The following LRRC37A3 variants were observed in gnomAD, a reference collection of about 807,000 sequenced individuals.
LRRC37A3 encodes leucine-rich repeat-containing protein 37A3.
LRRC37A3 carries 25 observed loss-of-function variants against 106.2 expected under a neutral mutation model. The observed-to-expected ratio is 0.24, with a 90% CI of 0.17 to 0.33. LRRC37A3 has a LOEUF of 0.33. Among genes scored for constraint, LRRC37A3 ranks in the 10% least tolerant of loss-of-function variants. The probability of loss-of-function intolerance (pLI) is 1.00; values close to 1 mark genes in which losing one functional copy is unlikely to be tolerated. For synonymous variants in LRRC37A3, 305 were observed against 635.8 expected, an observed-to-expected ratio of 0.48 and a Z score of 7.83; for missense variants, 712 against 1,644.9, an observed-to-expected ratio of 0.43 and a Z score of 9.81.
chr17:64,867,791 A>G (rs9905831), intron 10 of LRRC37A3, among the ~76,000 whole-genome samples: 2,175 of 152,134 alleles, frequency 0.014, 53 homozygotes, highest in African/African-American at 0.05. Context: ...CTGCTGAGTG[A>G]GGCCAGGCAA....
intron 13 of LRRC37A3, among the ~76,000 whole-genome samples, chr17:64,858,106 C>T (rs1972741016): frequency 6.6e-6 from 1 of 152,136 alleles, no homozygotes. Flanking sequence ...GCAAGCTGAG[C>T]ATCTCTAATC....
chr17:64,877,358 C>A (rs1479336981), intron 8 of LRRC37A3, among the ~76,000 whole-genome samples: 1 of 152,108 alleles, frequency 6.6e-6, no homozygotes, highest in African/African-American at 2.4e-5. Flanking sequence ...CCTGCCACCA[C>A]GCCCTGCTAA....
In LRRC37A3 at chr17:64,859,996, C is replaced by A; in HGVS notation, c.4150G>T (p.Glu1384Ter). The A allele has an allele frequency of 6.2e-7, 1 of 1,613,624 alleles. No homozygotes were observed. The highest frequency in any genetic ancestry group is 8.5e-7 in the Non-Finnish European group (1 of 1,179,848). Reference protein sequence around the residue: ...EVSAPSEHFIENNNTKDTTAR... With the variant: ...EVSAPSEHFI ...GTTGTGTCTTTTGTATTATTGTTTT[C>A]TATAAAATGTTCTGAAGGAGCAGAT... The change falls in exon 12 of 15, where the codon GAA becomes TAA. Residue 1384 changes from glutamate to a stop codon, truncating the protein, a stop_gained. Transcript: ENST00000584306. LOFTEE classifies it high-confidence loss of function.
chr17:64,917,654 A>AAT (rs1266560020), intron 2 of LRRC37A3, among the ~76,000 whole-genome samples: 7 of 152,078 alleles, frequency 4.6e-5, no homozygotes, highest in Non-Finnish European at 1.0e-4. Context: ...TATAAACTAA[A>AAT]AAATTAAAAT....
At chr17:64,881,106 A>G in intron 8 of LRRC37A3, 1 of 700,880 alleles carries the variant, frequency 1.4e-6, no homozygotes, top group Non-Finnish European at 2.6e-6. Flanking sequence ...TCCTTTATTC[A>G]TCTACATAGG....
intron 11 of LRRC37A3, among the ~76,000 whole-genome samples, chr17:64,861,184 G>A (rs562987564): frequency 3.3e-5 from 5 of 152,242 alleles, no homozygotes; most frequent in African/African-American, 1.2e-4. Context: ...CACCTACTTG[G>A]AACATTCCAT....
chr17:64,865,097 G>A (rs1342730406), intron 10 of LRRC37A3, among the ~76,000 whole-genome samples: 4 of 152,180 alleles, frequency 2.6e-5, no homozygotes, highest in Non-Finnish European at 5.9e-5. Context: ...ACCCGGAACC[G>A]TAACCCAGCA....
chr17:64,880,225 G>A (rs1483572455), intron 8 of LRRC37A3, among the ~76,000 whole-genome samples: 3 of 152,014 alleles, frequency 2.0e-5, no homozygotes, highest in East Asian at 3.9e-4. Context: ...CTGGCTCAAC[G>A]GCTCAAGTTT....
chr17:64,905,076 A>G (rs1470743315), intron 2 of LRRC37A3, among the ~76,000 whole-genome samples: 1 of 152,194 alleles, frequency 6.6e-6, no homozygotes, highest in African/African-American at 2.4e-5. Context: ...GTATTAAATA[A>G]ATTTATTAAT....
chr17:64,897,417 C>CCCT lies in LRRC37A3; in HGVS notation c.-163_-161dup. On this transcript the variant is annotated 5_prime_UTR_variant, in exon 4 of 15. Coordinates refer to ENST00000584306, the MANE Select transcript of LRRC37A3 (RefSeq NM_199340.5). ...TTCCCATCCTGCCCTGCCGGAGCAC[C>CCCT]CCTCTCCTCCCCTTAGTGAGGAAGG... The CCCT allele has an allele frequency of 6.5e-7, 1 of 1,535,536 alleles. No homozygotes were observed. The highest frequency in any genetic ancestry group is 2.5e-5 in the East Asian group (1 of 40,762).
chr17:64,911,172 C>A (rs1472924821), intron 2 of LRRC37A3, among the ~76,000 whole-genome samples: 1 of 150,768 alleles, frequency 6.6e-6, no homozygotes, highest in Non-Finnish European at 1.5e-5. Flanking sequence ...GAGAAACAAC[C>A]GTTTGCATTT....
intron 8 of LRRC37A3, among the ~76,000 whole-genome samples, chr17:64,872,788 T>G (rs1973366706): frequency 6.6e-6 from 1 of 152,116 alleles, no homozygotes; most frequent in South Asian, 2.1e-4. Context: ...CGCGCATGCA[T>G]AGGGCAGACT....
At chr17:64,881,763 C>T (rs114516295) in intron 8 of LRRC37A3, among the ~76,000 whole-genome samples, 3,325 of 148,320 alleles carry the variant, frequency 0.022, 158 homozygotes, top group African/African-American at 0.084. Flanking sequence ...TGAAAGAGCA[C>T]GTCTAGTGCC....
chr17:64,884,238 C>T lies in LRRC37A3; in HGVS notation c.2906+1848G>A, dbSNP rs751538553. Among the ~76,000 whole-genome samples, 565 of 145,152 alleles carry T rather than the reference C, an allele frequency of 3.9e-3. 5 individuals are homozygous for T. The highest frequency in any genetic ancestry group is 0.014 in the Middle Eastern group (4 of 288). On this transcript the variant is annotated intron_variant, in intron 8 of 14. Coordinates refer to ENST00000584306, the MANE Select transcript of LRRC37A3 (RefSeq NM_199340.5). ...GTACCTGGCACAAATGGACATGACA[C>T]TCTGAATGTTTTTGAGTGAATTCAT...
intron 1 of LRRC37A3, 108 bp downstream of exon 1, chr17:64,919,323 G>A (rs190781155): frequency 6.3e-6 from 3 of 473,342 alleles, no homozygotes; most frequent in Non-Finnish European, 9.8e-6. Flanking sequence ...TGGGCGCAGT[G>A]GGGGCGGCCG....
At chr17:64,857,468 C>T (rs1395299028) in intron 13 of LRRC37A3, among the ~76,000 whole-genome samples, 1 of 152,156 alleles carries the variant, frequency 6.6e-6, no homozygotes, top group Non-Finnish European at 1.5e-5. Context: ...TAACATAATC[C>T]TATTCAAATC....
At chr17:64,915,697 G>A (rs1165607903) in intron 2 of LRRC37A3, among the ~76,000 whole-genome samples, 3 of 152,182 alleles carry the variant, frequency 2.0e-5, no homozygotes, top group African/African-American at 4.8e-5. Context: ...AAGAGACACC[G>A]CTAAGACAAT....
intron 8 of LRRC37A3, among the ~76,000 whole-genome samples, chr17:64,875,776 G>A (rs1973489571): frequency 6.6e-6 from 1 of 151,560 alleles, no homozygotes; most frequent in African/African-American, 2.4e-5. Flanking sequence ...GCAACAGAGT[G>A]AGACTCTGTC....
chr17:64,863,189 A>G (rs1972933765), intron 10 of LRRC37A3, 171 bp from the exon 11 acceptor site: 3 of 693,436 alleles, frequency 4.3e-6, no homozygotes, highest in African/African-American at 1.8e-5. Context: ...AAAGTGCCCA[A>G]CTGAAGGGTA....
Sources: gnomAD v4.1 joint callset for allele counts (sites outside exome capture counted in the v4.1 genomes callset) on GRCh38, gnomAD v4.1.1 for gene constraint, MANE v1.5 for transcripts, NCBI Gene and HGNC (gene_info 2026-07-23, HGNC 2026-07-21) for gene names.